PATJ: variants seen among roughly 807,000 people sequenced by gnomAD.
The protein encoded by PATJ is inaD-like protein.
Under a neutral mutation model 224.9 loss-of-function variants are expected in PATJ, and 190 were observed. The ratio of observed to expected loss-of-function variants is 0.84; its 90% CI spans 0.75 to 0.95. The LOEUF (loss-of-function observed/expected upper bound fraction) is 0.95, where lower values mean the gene tolerates loss of function less well. Among genes scored for constraint, PATJ ranks in the 40% least tolerant of loss-of-function variants. The pLI is 0.00. For synonymous variants in PATJ, 769 were observed against 820.3 expected, an observed-to-expected ratio of 0.94 and a Z score of 1.07; for missense variants, 2,121 against 2,270.3, an observed-to-expected ratio of 0.93 and a Z score of 1.34.
intron 27 of PATJ, among the ~76,000 whole-genome samples, chr1:61,966,559 C>A (rs1443916217): frequency 6.6e-6 from 1 of 151,676 alleles, no homozygotes; most frequent in Non-Finnish European, 1.5e-5. Context: ...GGTGGTGGGC[C>A]CCTGTAACCC....
chr1:62,111,325 T>C (rs1265251902), intron 34 of PATJ, among the ~76,000 whole-genome samples: 10 of 152,168 alleles, frequency 6.6e-5, no homozygotes, highest in Admixed American at 5.9e-4. Context: ...TTCCTCTTTG[T>C]GTTTCATTCA....
At chr1:61,760,709 C>T (rs1645919527) in intron 1 of PATJ, among the ~76,000 whole-genome samples, 1 of 148,798 alleles carries the variant, frequency 6.7e-6, no homozygotes. Flanking sequence ...CTCCACCTCC[C>T]AGGTTCAAGC....
intron 24 of PATJ, among the ~76,000 whole-genome samples, chr1:61,902,556 G>A (rs1671328310): frequency 6.6e-6 from 1 of 152,060 alleles, no homozygotes; most frequent in South Asian, 2.1e-4. Flanking sequence ...TTATTGTGAG[G>A]ATTAAATTAA....
chr1:61,752,594 G>A (rs927428426), intron 1 of PATJ, among the ~76,000 whole-genome samples: 5 of 152,102 alleles, frequency 3.3e-5, no homozygotes, highest in Admixed American at 3.3e-4. Context: ...CCGAAGTGCT[G>A]GGATTACAGG....
At chr1:62,132,797 G>A (rs1269151593) in intron 41 of PATJ, among the ~76,000 whole-genome samples, 1 of 151,772 alleles carries the variant, frequency 6.6e-6, no homozygotes, top group Non-Finnish European at 1.5e-5. Flanking sequence ...CCAGCTACTG[G>A]CGAGGCTGGG....
intron 18 of PATJ, among the ~76,000 whole-genome samples, 173 bp downstream of exon 18, chr1:61,856,412 C>G (rs1056655409): frequency 1.3e-5 from 2 of 152,134 alleles, no homozygotes; most frequent in African/African-American, 2.4e-5. Context: ...AAAATAATGT[C>G]TACCTCATAG....
chr1:62,075,458 A>C (rs1252519435), intron 31 of PATJ, among the ~76,000 whole-genome samples: 1 of 152,218 alleles, frequency 6.6e-6, no homozygotes, highest in African/African-American at 2.4e-5. Flanking sequence ...CAACCTTGCA[A>C]GATATAGATG....
At chr1:61,903,898 A>C (rs1273879679) in intron 24 of PATJ, among the ~76,000 whole-genome samples, 8 of 150,764 alleles carry the variant, frequency 5.3e-5, no homozygotes, top group Admixed American at 4.6e-4. Flanking sequence ...TCAGCCTCCC[A>C]AGTAGCTAGG....
chr1:61,811,477 G>A (rs1654753487), intron 14 of PATJ, among the ~76,000 whole-genome samples: 1 of 151,868 alleles, frequency 6.6e-6, no homozygotes, highest in Non-Finnish European at 1.5e-5. Context: ...TGAAGCCTTG[G>A]CCTCCTAAAG....
At chr1:62,001,204 T>C (rs2149607278) in intron 28 of PATJ, among the ~76,000 whole-genome samples, 1 of 151,500 alleles carries the variant, frequency 6.6e-6, no homozygotes, top group Middle Eastern at 3.4e-3. Context: ...TTAGATCCCA[T>C]TTGTCAATTT....
intron 29 of PATJ, among the ~76,000 whole-genome samples, chr1:62,033,974 A>G (rs1424159113): frequency 1.2e-4 from 18 of 152,166 alleles, no homozygotes; most frequent in Admixed American, 1.2e-3. Flanking sequence ...GAGGACACAC[A>G]TGCAGTGTTC....
At chr1:61,904,887 T>C (rs1433462683) in intron 24 of PATJ, among the ~76,000 whole-genome samples, 1 of 152,236 alleles carries the variant, frequency 6.6e-6, no homozygotes, top group Non-Finnish European at 1.5e-5. Context: ...TTACTTAGCA[T>C]AATCTCCTTG....
intron 33 of PATJ, among the ~76,000 whole-genome samples, chr1:62,094,297 A>G (rs183743356): frequency 1.0e-3 from 155 of 152,278 alleles, no homozygotes; most frequent in Middle Eastern, 6.8e-3. Context: ...TGAGAGGCTA[A>G]GCAAGAGGAT....
intron 33 of PATJ, among the ~76,000 whole-genome samples, chr1:62,085,696 G>A (rs1270307036): frequency 6.6e-6 from 1 of 151,592 alleles, no homozygotes; most frequent in Non-Finnish European, 1.5e-5. Flanking sequence ...GCACACACCT[G>A]TATTCCCAGC....
chr1:61,924,655 A>G (rs61216561), intron 26 of PATJ, among the ~76,000 whole-genome samples: 1 of 152,182 alleles, frequency 6.6e-6, no homozygotes, highest in Admixed American at 6.5e-5. Context: ...ATGCTCACTT[A>G]TATAAACCAA....
intron 28 of PATJ, chr1:61,991,379 C>T: frequency 4.3e-6 from 2 of 461,182 alleles, no homozygotes; most frequent in South Asian, 1.8e-4. Context: ...AATGTTCCAA[C>T]TTTAGGACAT....
At chr1:61,765,675 A>G (rs1037868113) in intron 3 of PATJ, among the ~76,000 whole-genome samples, 9 of 152,006 alleles carry the variant, frequency 5.9e-5, no homozygotes, top group Non-Finnish European at 4.4e-5. Context: ...CCATAATTAC[A>G]TGATTCTCCT....
At chr1:61,877,902 A>G (rs1373289119) in intron 21 of PATJ, among the ~76,000 whole-genome samples, 1 of 152,132 alleles carries the variant, frequency 6.6e-6, no homozygotes, top group Non-Finnish European at 1.5e-5. Flanking sequence ...ACAGGACTCA[A>G]TCTTTTTCAT....
chr1:61,752,523 A>G (rs1047838316), intron 1 of PATJ, among the ~76,000 whole-genome samples: 4 of 151,984 alleles, frequency 2.6e-5, no homozygotes, highest in Non-Finnish European at 4.4e-5. Context: ...CACGTTGGCC[A>G]GGCTGGTCTC....
Sources: gnomAD v4.1 joint callset for allele counts (sites outside exome capture counted in the v4.1 genomes callset) on GRCh38, gnomAD v4.1.1 for gene constraint, MANE v1.5 for transcripts, NCBI Gene and HGNC (gene_info 2026-07-23, HGNC 2026-07-21) for gene names.